CPXM2: variants seen among roughly 807,000 people sequenced by gnomAD.
CPXM2 encodes the protein carboxypeptidase X, M14 family member 2, also known as inactive carboxypeptidase-like protein X2.
CPXM2 carries 66 observed loss-of-function variants against 86.1 expected under a neutral mutation model. The ratio of observed to expected loss-of-function variants is 0.77; its 90% CI spans 0.63 to 0.94. The LOEUF (loss-of-function observed/expected upper bound fraction) is 0.94, where lower values mean the gene tolerates loss of function less well. Ranked by LOEUF, CPXM2 falls within the 40% of genes least tolerant of loss-of-function variation. The pLI is 0.00. For synonymous variants in CPXM2, 388 were observed against 400.2 expected (o/e 0.97, Z 0.36); for missense variants, 948 against 1,026.3 (o/e 0.92, Z 1.04).
At chr10:123,765,584 A>C (rs1007652569) in intron 10 of CPXM2, among the ~76,000 whole-genome samples, 3 of 152,222 alleles carry the variant, frequency 2.0e-5, no homozygotes, top group Non-Finnish European at 4.4e-5. Context: ...AAACAAATGA[A>C]CAAAAAACAA....
chr10:123,772,766 T>C (rs1846675321), intron 7 of CPXM2, among the ~76,000 whole-genome samples: 1 of 151,772 alleles, frequency 6.6e-6, no homozygotes, highest in Non-Finnish European at 1.5e-5. Context: ...CTCATTGTGG[T>C]TATCAGCTCC....
intron 4 of CPXM2, among the ~76,000 whole-genome samples, chr10:123,836,817 A>C (rs1461368364): frequency 6.6e-6 from 1 of 151,980 alleles, no homozygotes; most frequent in Non-Finnish European, 1.5e-5. Context: ...CCCCTGCCCC[A>C]GTTTCAGCCC....
chr10:123,850,270 A>G lies in CPXM2; in HGVS notation c.514-7782T>C, dbSNP rs538948460. Among the ~76,000 whole-genome samples the G allele has an allele frequency of 9.2e-5, 14 of 152,284 alleles. No homozygotes were observed. In the East Asian group the frequency reaches 2.5e-3, roughly 27 times the overall value. Reference sequence around the variant, plus strand: ...ACATGTGAGCACATTTCCATTTAGGAATGAGAGTGAATCTGTTAGGTCAAT... The same window carrying G: ...ACATGTGAGCACATTTCCATTTAGGGATGAGAGTGAATCTGTTAGGTCAAT... On this transcript the variant is annotated intron_variant, in intron 3 of 13. Transcript: ENST00000241305.
chr10:123,750,997 T>G, intron 13 of CPXM2: 2 of 985,438 alleles, frequency 2.0e-6, no homozygotes, highest in Non-Finnish European at 2.4e-6. Context: ...AGTGCTCAGG[T>G]CTGTGTTCAG....
At chr10:123,861,448 C>CA (rs985778823) in intron 3 of CPXM2, among the ~76,000 whole-genome samples, 5 of 152,148 alleles carry the variant, frequency 3.3e-5, no homozygotes, top group African/African-American at 1.2e-4. Flanking sequence ...AACTCCTACC[C>CA]AAAGATGTCC....
At chr10:123,848,273 C>A (rs1453416214) in intron 3 of CPXM2, among the ~76,000 whole-genome samples, 2 of 152,166 alleles carry the variant, frequency 1.3e-5, no homozygotes, top group Non-Finnish European at 2.9e-5. Context: ...CTGCTATAAA[C>A]CCATAAAACT....
intron 3 of CPXM2, among the ~76,000 whole-genome samples, chr10:123,848,682 T>C (rs1248903854): frequency 1.3e-5 from 2 of 152,238 alleles, no homozygotes; most frequent in East Asian, 3.8e-4. Flanking sequence ...GTTTAATTCT[T>C]AAGCAATTAT....
upstream of CPXM2, among the ~76,000 whole-genome samples, chr10:123,940,796 C>T (rs1274187489): frequency 1.3e-5 from 2 of 152,210 alleles, no homozygotes; most frequent in African/African-American, 4.8e-5. Context: ...GGTGCTTCTT[C>T]CTGGAGCATC....
At chr10:123,906,404 T>A (rs1000414531) in intron 2 of CPXM2, among the ~76,000 whole-genome samples, 3 of 152,154 alleles carry the variant, frequency 2.0e-5, no homozygotes, top group Non-Finnish European at 2.9e-5. Flanking sequence ...GCCTCCTCAC[T>A]CTCATAGATA....
intron 1 of CPXM2, among the ~76,000 whole-genome samples, chr10:123,880,843 A>AAAG (rs1945075937): frequency 6.6e-6 from 1 of 150,540 alleles, no homozygotes; most frequent in African/African-American, 2.5e-5. Context: ...AAAAAAAAAA[A>AAAG]AAAAAAAGAC....
chr10:123,925,022 A>G (rs550580261), intron 2 of CPXM2, among the ~76,000 whole-genome samples: 1 of 152,310 alleles, frequency 6.6e-6, no homozygotes, highest in South Asian at 2.1e-4. Context: ...TTGTATCACA[A>G]TAAGAAAATA....
intron 6 of CPXM2, among the ~76,000 whole-genome samples, chr10:123,783,931 A>C (rs1247021537): frequency 2.0e-5 from 3 of 152,182 alleles, no homozygotes; most frequent in Non-Finnish European, 4.4e-5. Flanking sequence ...TAGCGCCTGA[A>C]ATGCTCTTTC....
intron 4 of CPXM2, 146 bp downstream of exon 4, chr10:123,842,203 C>G: frequency 4.6e-6 from 5 of 1,075,830 alleles, no homozygotes; most frequent in Non-Finnish European, 6.7e-6. Context: ...ACAACGAGCC[C>G]AGCCTCCTGT....
At chr10:123,850,758 C>T (rs143586354) in intron 3 of CPXM2, among the ~76,000 whole-genome samples, 2 of 152,258 alleles carry the variant, frequency 1.3e-5, no homozygotes, top group East Asian at 3.9e-4. Flanking sequence ...CGTATGCTGA[C>T]GCTGCTAAGA....
intron 7 of CPXM2, chr10:123,777,631 C>T (rs1341854265): frequency 6.5e-6 from 1 of 153,316 alleles, no homozygotes; most frequent in Non-Finnish European, 1.5e-5. Context: ...TCACAGAACA[C>T]ACCTGTCGGC....
At chr10:123,751,697 A>G (rs1846080390) in intron 13 of CPXM2, 1 of 985,450 alleles carries the variant, frequency 1.0e-6, no homozygotes, top group East Asian at 1.1e-4. Context: ...TTTTATGCAA[A>G]ATCCATCCCG....
At chr10:123,783,559 G>C (rs1351532705) in intron 6 of CPXM2, among the ~76,000 whole-genome samples, 2 of 152,182 alleles carry the variant, frequency 1.3e-5, no homozygotes, top group Non-Finnish European at 2.9e-5. Context: ...TGGAGGGTAG[G>C]ATGTGAGTGG....
chr10:123,761,585 G>A (rs564626482), intron 11 of CPXM2, among the ~76,000 whole-genome samples: 37 of 152,294 alleles, frequency 2.4e-4, no homozygotes, highest in African/African-American at 8.7e-4. Flanking sequence ...CTAAGCACAG[G>A]CCACGGAGTC....
At chr10:123,752,246 G>A in intron 13 of CPXM2, 1 of 985,300 alleles carries the variant, frequency 1.0e-6, no homozygotes, top group Non-Finnish European at 1.2e-6. Context: ...AAGGAATAGT[G>A]AATAAATATA....
Sources: allele counts gnomAD v4.1 joint callset (sites outside exome capture counted in the v4.1 genomes callset), GRCh38; gene constraint gnomAD v4.1.1; transcripts MANE v1.5; gene names NCBI Gene and HGNC (gene_info 2026-07-23, HGNC 2026-07-21).